KCNMA1: variants seen among roughly 807,000 people sequenced by gnomAD.
KCNMA1 encodes potassium calcium-activated channel subfamily M alpha 1, also known as Calcium-activated potassium channel subunit alpha-1.
A neutral mutation model predicts 140.0 loss-of-function variants in KCNMA1; 29 were observed. The observed-to-expected ratio is 0.21, with a 90% CI of 0.15 to 0.28. The LOEUF is 0.28. KCNMA1 is among the 10% of genes least tolerant of loss of function. The pLI is 1.00. For missense variants in KCNMA1, 880 were observed against 1,602.2 expected, an observed-to-expected ratio of 0.55 and a Z score of 7.70; for synonymous variants, 612 against 611.9, an observed-to-expected ratio of 1.00 and a Z score of 0.00.
intron 16 of KCNMA1, among the ~76,000 whole-genome samples, chr10:77,027,070 T>G (rs1219627654): frequency 1.3e-5 from 2 of 152,136 alleles, no homozygotes; most frequent in Non-Finnish European, 2.9e-5. Context: ...CTTCCAAAAC[T>G]ATTGACAAGA....
chr10:77,012,262 T>C lies in KCNMA1; in HGVS notation c.2016-219A>G, dbSNP rs1217048875. On this transcript the variant is annotated intron_variant, in intron 17 of 27. Transcript: ENST00000286628. Reference sequence around the variant, plus strand: ...TGATTTGAGTTAGTGCTCCTTTTCATAAACTTCCATTTACAAAGAAACTGG... The same window carrying C: ...TGATTTGAGTTAGTGCTCCTTTTCACAAACTTCCATTTACAAAGAAACTGG... 5 of 1,461,574 alleles carry C rather than the reference T, an allele frequency of 3.4e-6. No homozygotes were observed. In the East Asian group the frequency reaches 9.9e-5, roughly 29 times the overall value. The allele number at this position is 1,461,574 out of a possible 1,614,324, so 90.5% of individuals were successfully genotyped here. A position where few individuals can be genotyped will look rare whatever the true frequency, so the allele number is the denominator to read the frequency against.
intron 2 of KCNMA1, among the ~76,000 whole-genome samples, chr10:77,383,978 G>A (rs1340926563): frequency 6.6e-6 from 1 of 152,238 alleles, no homozygotes; most frequent in Non-Finnish European, 1.5e-5. Context: ...CCAAGGGACA[G>A]CAGCATGCTG....
chr10:77,376,446 G>T (rs1460920809), intron 2 of KCNMA1: 1 of 152,154 alleles, frequency 6.6e-6, no homozygotes, highest in African/African-American at 2.4e-5. Flanking sequence ...AGAAGGCCTG[G>T]AATGGCTGCG....
chr10:76,898,498 T>G (rs1432301625), intron 25 of KCNMA1, among the ~76,000 whole-genome samples: 1 of 151,650 alleles, frequency 6.6e-6, no homozygotes, highest in Admixed American at 6.6e-5. Context: ...TTACTAAACT[T>G]TGTAACAACG....
At chr10:77,514,046 T>C (rs896926616) in intron 1 of KCNMA1, among the ~76,000 whole-genome samples, 5 of 152,238 alleles carry the variant, frequency 3.3e-5, no homozygotes, top group Admixed American at 1.3e-4. Flanking sequence ...TGCCTATCTT[T>C]AGAAGTTTCG....
chr10:77,073,946 C>G (rs1388137607), intron 13 of KCNMA1, among the ~76,000 whole-genome samples: 1 of 152,094 alleles, frequency 6.6e-6, no homozygotes, highest in African/African-American at 2.4e-5. Context: ...GAGACAAGAA[C>G]CCAGAGGCAT....
intron 1 of KCNMA1, among the ~76,000 whole-genome samples, chr10:77,423,271 T>C (rs890710260): frequency 1.3e-5 from 2 of 152,224 alleles, no homozygotes; most frequent in African/African-American, 2.4e-5. Context: ...TATCTTGGGC[T>C]CCACATGTCC....
intron 17 of KCNMA1, among the ~76,000 whole-genome samples, chr10:77,018,129 T>C (rs2092391993): frequency 6.6e-6 from 1 of 152,152 alleles, no homozygotes; most frequent in Admixed American, 6.5e-5. Flanking sequence ...AAGACTTACC[T>C]TCCAGGGTTA....
At chr10:77,380,838 G>A (rs1018407284) in intron 2 of KCNMA1, among the ~76,000 whole-genome samples, 8 of 152,196 alleles carry the variant, frequency 5.3e-5, no homozygotes, top group South Asian at 2.1e-4. Context: ...AGCATCCAGC[G>A]TGTCTGCTGT....
downstream of KCNMA1, chr10:76,877,720 A>G: frequency 6.5e-7 from 1 of 1,548,696 alleles, no homozygotes; most frequent in East Asian, 2.5e-5. Context: ...TTAAAAAAAT[A>G]GTTCTGGTCT....
At chr10:76,979,921 G>A (rs1482327906) in intron 19 of KCNMA1, 4 of 152,208 alleles carry the variant, frequency 2.6e-5, no homozygotes, top group African/African-American at 7.2e-5. Flanking sequence ...TGGGAGGTAA[G>A]GACCAGTGTG....
chr10:77,344,964 A>G (rs2091858999), intron 2 of KCNMA1, among the ~76,000 whole-genome samples: 1 of 152,144 alleles, frequency 6.6e-6, no homozygotes, highest in Non-Finnish European at 1.5e-5. Context: ...CTTCATAACA[A>G]TCTTCATTTA....
chr10:77,136,231 G>A (rs907261702), intron 5 of KCNMA1, among the ~76,000 whole-genome samples: 6 of 152,114 alleles, frequency 3.9e-5, no homozygotes, highest in African/African-American at 1.4e-4. Flanking sequence ...CATTAAGCAA[G>A]AAAAATAGAA....
chr10:76,876,354 T>C (rs74549312), downstream of KCNMA1: 5,049 of 152,688 alleles, frequency 0.033, 122 homozygotes, highest in South Asian at 0.085. Flanking sequence ...ATATCAAAGA[T>C]TGATAATTTT....
chr10:77,492,175 G>A (rs929948537), intron 1 of KCNMA1, among the ~76,000 whole-genome samples: 4 of 152,150 alleles, frequency 2.6e-5, no homozygotes, highest in Non-Finnish European at 5.9e-5. Flanking sequence ...GCTAATGAAG[G>A]TCCCTCGTGG....
intron 10 of KCNMA1, among the ~76,000 whole-genome samples, chr10:77,086,917 T>A (rs937459323): frequency 6.6e-6 from 1 of 152,230 alleles, no homozygotes; most frequent in Non-Finnish European, 1.5e-5. Context: ...ACTAGTGGGA[T>A]GGTTCATTTT....
chr10:77,317,151 G>C (rs2081100610), intron 2 of KCNMA1, among the ~76,000 whole-genome samples: 1 of 152,142 alleles, frequency 6.6e-6, no homozygotes, highest in Non-Finnish European at 1.5e-5. Context: ...CCAGGCCCCA[G>C]CAGGATAACT....
At chr10:77,230,415 A>T (rs575824471) in intron 3 of KCNMA1, among the ~76,000 whole-genome samples, 2 of 152,240 alleles carry the variant, frequency 1.3e-5, no homozygotes. Context: ...TATCGTACAC[A>T]TTAAAATGGC....
At chr10:77,240,244 G>A (rs550973503) in intron 3 of KCNMA1, among the ~76,000 whole-genome samples, 83 of 152,256 alleles carry the variant, frequency 5.5e-4, no homozygotes, top group African/African-American at 2.0e-3. Flanking sequence ...TTCTAACAAC[G>A]TTATTTTCAG....
Sources: allele counts gnomAD v4.1 joint callset (sites outside exome capture counted in the v4.1 genomes callset), GRCh38; gene constraint gnomAD v4.1.1; transcripts MANE v1.5; gene names NCBI Gene and HGNC (gene_info 2026-07-23, HGNC 2026-07-21).